RIMS1: variants seen among roughly 807,000 people sequenced by gnomAD.
RIMS1 encodes the protein regulating synaptic membrane exocytosis protein 1.
RIMS1 carries 83 observed loss-of-function variants against 214.1 expected under a neutral mutation model. The observed-to-expected ratio is 0.39, with a 90% CI of 0.32 to 0.47. The LOEUF (loss-of-function observed/expected upper bound fraction) is 0.47. Among genes scored for constraint, RIMS1 ranks in the 20% least tolerant of loss-of-function variants. The probability of loss-of-function intolerance (pLI) is 0.99; values close to 1 mark genes in which losing one functional copy is unlikely to be tolerated. For synonymous variants in RIMS1, 793 were observed against 786.8 expected (o/e 1.01, Z -0.13); for missense variants, 2,050 against 2,161.8 (o/e 0.95, Z 1.03).
At chr6:71,993,557 G>A (rs1378149910) in intron 2 of RIMS1, among the ~76,000 whole-genome samples, 1 of 152,130 alleles carries the variant, frequency 6.6e-6, no homozygotes, top group African/African-American at 2.4e-5. Flanking sequence ...TGGAGTGAAA[G>A]GTCTCTGTTT....
intron 24 of RIMS1, among the ~76,000 whole-genome samples, chr6:72,290,430 G>T (rs2093190641): frequency 6.6e-6 from 1 of 152,164 alleles, no homozygotes; most frequent in African/African-American, 2.4e-5. Context: ...TCTGCTGTTG[G>T]TGGAACATAC....
intron 22 of RIMS1, among the ~76,000 whole-genome samples, chr6:72,272,119 A>G (rs1385826652): frequency 6.6e-6 from 1 of 152,202 alleles, no homozygotes; most frequent in African/African-American, 2.4e-5. Flanking sequence ...GTTTAGTTCA[A>G]CTTTATGATT....
intron 4 of RIMS1, among the ~76,000 whole-genome samples, chr6:72,145,153 G>A (rs1217846094): frequency 1.3e-5 from 2 of 152,072 alleles, no homozygotes; most frequent in Non-Finnish European, 2.9e-5. Flanking sequence ...TTTCCCATAG[G>A]CTTTTTAAAA....
chr6:72,092,035 AT>A (rs2153795153), intron 2 of RIMS1, among the ~76,000 whole-genome samples: 1 of 152,344 alleles, frequency 6.6e-6, no homozygotes, highest in South Asian at 2.1e-4. Flanking sequence ...CAAAAAATAA[AT>A]GTGCTGTTTA....
At position 72,284,093 on chromosome 6, in the gene RIMS1, A is replaced by G. The variant is rs1657580027; in HGVS notation, c.3529A>G (p.Lys1177Glu). The G allele has an allele frequency of 6.2e-7, 1 of 1,613,208 alleles. No individual in the cohort carries two copies. The highest frequency in any genetic ancestry group is 8.5e-7 in the Non-Finnish European group (1 of 1,179,294). The change falls in exon 24 of 34, where the codon AAA (lysine) becomes GAA (glutamate). Residue 1177 changes from lysine to glutamate, a missense_variant. Transcript: ENST00000521978. The stretch of plus-strand genomic sequence containing the variant: ...ATCTAGCATCCAAAAACAGACTAGG[A>G]AAGGCACTGCCTCTGATGCAGAAAG... ...ERSSIQKQTRKGTASDAERVL... is the reference protein window; with the variant it reads ...ERSSIQKQTREGTASDAERVL...
chr6:72,114,604 AT>A (rs2036715827), intron 4 of RIMS1, among the ~76,000 whole-genome samples: 1 of 151,938 alleles, frequency 6.6e-6, no homozygotes, highest in Non-Finnish European at 1.5e-5. Context: ...CTTAATTTTC[AT>A]GGTGCTTTTG....
At chr6:71,911,303 A>G (rs532076338) in intron 1 of RIMS1, among the ~76,000 whole-genome samples, 1 of 152,326 alleles carries the variant, frequency 6.6e-6, no homozygotes, top group Non-Finnish European at 1.5e-5. Context: ...GAGCCACACA[A>G]GAACTGAGTT....
At chr6:72,255,617 TA>T (rs1451427500) in intron 16 of RIMS1, among the ~76,000 whole-genome samples, 1 of 152,210 alleles carries the variant, frequency 6.6e-6, no homozygotes, top group African/African-American at 2.4e-5. Context: ...TTAAGAAGAA[TA>T]AAAATAACCA....
At chr6:71,941,628 C>T (rs908624035) in intron 1 of RIMS1, among the ~76,000 whole-genome samples, 1 of 152,212 alleles carries the variant, frequency 6.6e-6, no homozygotes, top group African/African-American at 2.4e-5. Flanking sequence ...CTTTCCTCCA[C>T]AATATCTCCA....
In RIMS1 at chr6:72,383,869, C is replaced by T. The variant is rs193001575; in HGVS notation, c.4367-6729C>T. On this transcript the variant is annotated intron_variant, in intron 29 of 33. Transcript: ENST00000521978. Reference sequence around the variant, plus strand: ...TTTTACAAAATAACTGAATTTGTCACCTCAAAAATAAAAAAAATATATTAT... The same window carrying T: ...TTTTACAAAATAACTGAATTTGTCATCTCAAAAATAAAAAAAATATATTAT... 1.4e-4 allele frequency among the ~76,000 whole-genome samples: 22 copies of T among 151,938 alleles called. No individual in the cohort carries two copies. In the East Asian group the frequency reaches 4.1e-3, roughly 28 times the overall value.
intron 2 of RIMS1, among the ~76,000 whole-genome samples, chr6:72,064,302 GAGCA>G: frequency 6.7e-6 from 1 of 149,040 alleles, no homozygotes; most frequent in African/African-American, 2.5e-5. Flanking sequence ...TGGGCAACAA[GAGCA>G]AAACTCCATA....
At chr6:71,930,145 T>C (rs1782627649) in intron 1 of RIMS1, among the ~76,000 whole-genome samples, 1 of 152,046 alleles carries the variant, frequency 6.6e-6, no homozygotes, top group African/African-American at 2.4e-5. Context: ...TTATAGTTCA[T>C]TATGTTGTTG....
At chr6:72,191,619 C>A (rs1295479278) in intron 6 of RIMS1, among the ~76,000 whole-genome samples, 1 of 152,230 alleles carries the variant, frequency 6.6e-6, no homozygotes, top group Non-Finnish European at 1.5e-5. Context: ...TATTGCTGGC[C>A]TTGCCAGCTG....
chr6:72,149,387 G>A lies in RIMS1; in HGVS notation c.472-30188G>A, dbSNP rs552182563. 8.8e-4 allele frequency among the ~76,000 whole-genome samples: 134 copies of A among 152,302 alleles called. 1 individual carries two copies. The South Asian group carries it at 0.013, about 14-fold the overall frequency. On this transcript the variant is annotated intron_variant, in intron 4 of 33. Transcript: ENST00000521978. ...CCCCCTCCAGTTGCAGACTGGAGCC[G>A]GTCTAGGGGCCTTAGGACAACAATG...
Position 72,005,085 on chromosome 6 carries a change from A to G in RIMS1, c.245+36022A>G, listed in dbSNP as rs1440142745. On this transcript the variant is annotated intron_variant, in intron 2 of 33. Coordinates refer to ENST00000521978, the MANE Select transcript of RIMS1 (RefSeq NM_014989.7). ...AAGGGATCCAGTTTCAGCTTTCTAC[A>G]TATGGCTAGCCAGTTTTCCCAGCAC... is the stretch of plus-strand genomic sequence containing the variant. 2.0e-5 allele frequency among the ~76,000 whole-genome samples: 3 copies of G among 151,934 alleles called. No individual in the cohort carries two copies. The East Asian group carries it at 5.8e-4, about 29-fold the overall frequency.
chr6:71,998,917 A>G (rs1052954173), intron 2 of RIMS1, among the ~76,000 whole-genome samples: 4 of 152,104 alleles, frequency 2.6e-5, no homozygotes, highest in African/African-American at 9.6e-5. Context: ...TGCCTCTTTC[A>G]ATATTGTCTT....
chr6:71,992,623 C>A (rs1802184756), intron 2 of RIMS1, among the ~76,000 whole-genome samples: 1 of 148,424 alleles, frequency 6.7e-6, no homozygotes, highest in Non-Finnish European at 1.5e-5. Flanking sequence ...TCTTCTTCTT[C>A]TTCTTCCTCT....
chr6:71,886,687 G>GCCCTCGCC lies in RIMS1; in HGVS notation c.-328_-321dup, dbSNP rs934651656. The GCCCTCGCC allele has an allele frequency of 6.6e-6, 1 of 152,554 alleles. No individual in the cohort carries two copies. Among genetic ancestry groups the GCCCTCGCC allele is most frequent in the Non-Finnish European group, 1.5e-5 (1 of 68,398 alleles). The allele number at this position is 152,554 out of a possible 1,614,324, so 9.5% of individuals were successfully genotyped here. On this transcript the variant is annotated 5_prime_UTR_variant, in exon 1 of 34. Coordinates refer to ENST00000521978, the MANE Select transcript of RIMS1 (RefSeq NM_014989.7). ...CCCGGATCGGCGGAGCCTGGCGCGA[G>GCCCTCGCC]CCCTCGCCCCCTCGCCTCTCCCGCC...
intron 29 of RIMS1, among the ~76,000 whole-genome samples, chr6:72,368,974 T>A (rs1318041621): frequency 6.6e-6 from 1 of 151,264 alleles, no homozygotes; most frequent in East Asian, 1.9e-4. Flanking sequence ...AGGCAGAACA[T>A]GTCAGCTCAT....
Sources: gnomAD v4.1 joint callset for allele counts (sites outside exome capture counted in the v4.1 genomes callset) on GRCh38, gnomAD v4.1.1 for gene constraint, MANE v1.5 for transcripts, NCBI Gene and HGNC (gene_info 2026-07-23, HGNC 2026-07-21) for gene names.